KANK1: variants seen among roughly 807,000 people sequenced by gnomAD.
The protein encoded by KANK1 is KN motif and ankyrin repeat domains 1.
In KANK1, 109 loss-of-function variants were observed where a neutral mutation model predicts 106.2. The observed-to-expected ratio is 1.03, with a 90% CI of 0.88 to 1.20. The LOEUF (loss-of-function observed/expected upper bound fraction) is 1.20, where lower values mean the gene tolerates loss of function less well. Among genes scored for constraint, KANK1 ranks in the 50% most tolerant of loss-of-function variants. The probability of loss-of-function intolerance (pLI) is 0.00; values close to 1 mark genes in which losing one functional copy is unlikely to be tolerated. For synonymous variants in KANK1, 873 were observed against 652.2 expected (o/e 1.34, Z -5.16); for missense variants, 2,399 against 1,710.7 (o/e 1.40, Z -7.10).
rs568103145 is a variant in KANK1, at chr9:507,182, G to A, written c.-84+2428G>A. ...TAGAACATTGACATAGCGAGACTCC[G>A]TCTCTACAAAAAAAATAAAAAATAA... On this transcript the variant is annotated intron_variant, in intron 1 of 11. Transcript: ENST00000382297. Among the ~76,000 whole-genome samples, 7 of 146,382 alleles carry A rather than the reference G, an allele frequency of 4.8e-5. No homozygotes were observed. The South Asian group carries it at 8.7e-4, about 18-fold the overall frequency.
intron 2 of KANK1, among the ~76,000 whole-genome samples, chr9:699,266 A>G (rs539207407): frequency 1.3e-5 from 2 of 152,258 alleles, no homozygotes; most frequent in African/African-American, 4.8e-5. Context: ...CTCCTCCTAT[A>G]CTTCGTAAGT....
intron 1 of KANK1, among the ~76,000 whole-genome samples, chr9:651,608 C>T (rs1322998656): frequency 2.0e-5 from 3 of 152,180 alleles, no homozygotes; most frequent in Non-Finnish European, 4.4e-5. Flanking sequence ...AGCCTGTTCT[C>T]TCAACACAAT....
intron 2 of KANK1, among the ~76,000 whole-genome samples, chr9:683,213 C>A (rs1295358314): frequency 6.6e-6 from 1 of 152,094 alleles, no homozygotes; most frequent in African/African-American, 2.4e-5. Flanking sequence ...TCATGGGTAC[C>A]CTCCGTGACT....
intron 3 of KANK1, among the ~76,000 whole-genome samples, chr9:724,515 C>A (rs955601037): frequency 6.6e-6 from 1 of 152,048 alleles, no homozygotes; most frequent in African/African-American, 2.4e-5. Flanking sequence ...AGTGTTCTGG[C>A]GGCCAGGCAC....
At chr9:739,467 A>G (rs927808399) in intron 8 of KANK1, among the ~76,000 whole-genome samples, 3 of 152,180 alleles carry the variant, frequency 2.0e-5, no homozygotes, top group East Asian at 1.9e-4. Context: ...CCTTTCTCTT[A>G]TAAGTGTGTT....
intron 1 of KANK1, among the ~76,000 whole-genome samples, chr9:611,759 C>T (rs184153185): frequency 2.8e-4 from 42 of 152,270 alleles, no homozygotes; most frequent in African/African-American, 9.1e-4. Context: ...TTCTCTGTTG[C>T]CCAGGCTGGA....
chr9:720,271 C>G (rs1206602775), intron 3 of KANK1, among the ~76,000 whole-genome samples: 2 of 152,220 alleles, frequency 1.3e-5, no homozygotes, highest in African/African-American at 2.4e-5. Flanking sequence ...ACCGTTGCCA[C>G]CTGGTGAGAA....
intron 4 of KANK1, chr9:730,547 G>A: frequency 2.8e-6 from 1 of 362,344 alleles, no homozygotes; most frequent in Non-Finnish European, 5.3e-6. Flanking sequence ...ACAAAAATTA[G>A]CCAGGCATGG....
intron 3 of KANK1, among the ~76,000 whole-genome samples, chr9:727,185 A>G (rs993161134): frequency 5.9e-5 from 9 of 152,216 alleles, no homozygotes; most frequent in African/African-American, 1.4e-4. Context: ...CATGGAAACA[A>G]TAGCCTTCTG....
At chr9:491,815 G>A (rs1259553045) in intron 3 of KANK1, among the ~76,000 whole-genome samples, 2 of 152,076 alleles carry the variant, frequency 1.3e-5, no homozygotes, top group African/African-American at 4.8e-5. Flanking sequence ...CACGGGAGTG[G>A]GTCTTTCCCA....
intron 1 of KANK1, among the ~76,000 whole-genome samples, chr9:576,071 T>C (rs1248404424): frequency 6.6e-6 from 1 of 152,218 alleles, no homozygotes; most frequent in Non-Finnish European, 1.5e-5. Flanking sequence ...GTATGGTCTA[T>C]GGACCAGCAT....
chr9:627,358 C>T (rs1383561275), intron 1 of KANK1, among the ~76,000 whole-genome samples: 1 of 151,710 alleles, frequency 6.6e-6, no homozygotes, highest in African/African-American at 2.4e-5. Context: ...CAGGATTTCT[C>T]ACTCCTAGCC....
At chr9:527,877 G>A (rs560985219) in intron 1 of KANK1, among the ~76,000 whole-genome samples, 22 of 148,724 alleles carry the variant, frequency 1.5e-4, no homozygotes, top group African/African-American at 5.6e-4. Context: ...GGCGGGGCGC[G>A]ATGGCTCATG....
intron 1 of KANK1, among the ~76,000 whole-genome samples, chr9:637,200 C>T (rs1304273087): frequency 2.0e-5 from 3 of 152,152 alleles, no homozygotes; most frequent in African/African-American, 7.2e-5. Context: ...TTGCTATTCC[C>T]AGGTCTTCTG....
chr9:522,482 G>A (rs955078249), intron 1 of KANK1, among the ~76,000 whole-genome samples: 1 of 151,480 alleles, frequency 6.6e-6, no homozygotes, highest in Non-Finnish European at 1.5e-5. Flanking sequence ...CATACTGGGG[G>A]TACTCAGTAC....
upstream of KANK1, among the ~76,000 whole-genome samples, chr9:503,001 A>ATT (rs35195436): frequency 5.3e-4 from 37 of 70,228 alleles, 1 homozygote; most frequent in South Asian, 2.5e-3. Context: ...CGCCCAGCTG[A>ATT]TTTTTTTTTT....
At chr9:536,340 A>AG (rs2060299799) in intron 1 of KANK1, among the ~76,000 whole-genome samples, 1 of 152,126 alleles carries the variant, frequency 6.6e-6, no homozygotes, top group African/African-American at 2.4e-5. Flanking sequence ...AGACTGTCTG[A>AG]GAAAAAAAAT....
intron 1 of KANK1, among the ~76,000 whole-genome samples, chr9:648,177 T>C (rs1346797285): frequency 6.9e-6 from 1 of 144,326 alleles, no homozygotes; most frequent in African/African-American, 2.9e-5. Context: ...GTAATTTTTA[T>C]ATTTTTAGTA....
At chr9:567,749 G>A (rs1023334162) in intron 1 of KANK1, among the ~76,000 whole-genome samples, 4 of 152,220 alleles carry the variant, frequency 2.6e-5, no homozygotes, top group Non-Finnish European at 5.9e-5. Flanking sequence ...GAACTTTGGT[G>A]CAGTGTTGGC....
Sources: gnomAD v4.1 joint callset for allele counts (sites outside exome capture counted in the v4.1 genomes callset) on GRCh38, gnomAD v4.1.1 for gene constraint, MANE v1.5 for transcripts, NCBI Gene and HGNC (gene_info 2026-07-23, HGNC 2026-07-21) for gene names.